GRIP1: variants seen among roughly 807,000 people sequenced by gnomAD.
The protein encoded by GRIP1 is glutamate receptor-interacting protein 1.
Under a neutral mutation model 129.9 loss-of-function variants are expected in GRIP1, and 45 were observed. The ratio of observed to expected loss-of-function variants is 0.35; its 90% confidence interval spans 0.27 to 0.44. The LOEUF is 0.44. Among genes scored for constraint, GRIP1 ranks in the 20% least tolerant of loss-of-function variants. The pLI is 1.00. For synonymous variants in GRIP1, 530 were observed against 520.8 expected (o/e 1.02, Z -0.24); for missense variants, 1,196 against 1,396.8 (o/e 0.86, Z 2.29).
intron 1 of GRIP1, among the ~76,000 whole-genome samples, chr12:66,702,593 A>G (rs1395324230): frequency 1.3e-5 from 2 of 152,212 alleles, no homozygotes; most frequent in African/African-American, 2.4e-5. Flanking sequence ...ATGAGTTACA[A>G]CAAAGTGGCC....
At chr12:66,783,293 C>T (rs2038216816) in intron 1 of GRIP1, among the ~76,000 whole-genome samples, 1 of 152,172 alleles carries the variant, frequency 6.6e-6, no homozygotes, top group Non-Finnish European at 1.5e-5. Flanking sequence ...CTCAGCCTAC[C>T]AAAGTGTTTG....
At chr12:66,395,343 A>G (rs888219236) in intron 16 of GRIP1, among the ~76,000 whole-genome samples, 1 of 152,258 alleles carries the variant, frequency 6.6e-6, no homozygotes, top group African/African-American at 2.4e-5. Flanking sequence ...TAAGGATAAA[A>G]TGAAATGGTT....
At chr12:66,477,152 C>A (rs1045442309) in intron 7 of GRIP1, among the ~76,000 whole-genome samples, 7 of 152,146 alleles carry the variant, frequency 4.6e-5, no homozygotes, top group African/African-American at 1.4e-4. Flanking sequence ...CCAAAATCTC[C>A]TTAAGCTGAT....
chr12:66,632,894 G>A (rs1018537860), intron 1 of GRIP1, among the ~76,000 whole-genome samples: 1 of 152,006 alleles, frequency 6.6e-6, no homozygotes, highest in Admixed American at 6.6e-5. Flanking sequence ...TTATGAATTG[G>A]GATTGATTCT....
chr12:66,358,469 C>G (rs141659363), intron 23 of GRIP1, among the ~76,000 whole-genome samples: 1 of 151,880 alleles, frequency 6.6e-6, no homozygotes, highest in Admixed American at 6.6e-5. Context: ...TTTTTTGAGA[C>G]AGGGTCTCAC....
At chr12:66,912,239 G>C (rs572052131) in intron 1 of GRIP1, among the ~76,000 whole-genome samples, 3 of 152,172 alleles carry the variant, frequency 2.0e-5, no homozygotes, top group Admixed American at 2.0e-4. Context: ...AGGCCAGTGT[G>C]AAATCTAACA....
At chr12:66,480,257 C>A (rs1257127826) in intron 7 of GRIP1, among the ~76,000 whole-genome samples, 2 of 152,112 alleles carry the variant, frequency 1.3e-5, no homozygotes, top group East Asian at 3.8e-4. Flanking sequence ...AAATAACAAG[C>A]ATTCCTATAC....
At chr12:67,011,962 G>A (rs968142050) in intron 1 of GRIP1, among the ~76,000 whole-genome samples, 1 of 152,264 alleles carries the variant, frequency 6.6e-6, no homozygotes, top group South Asian at 2.1e-4. Context: ...AGCTGGATTT[G>A]AACTGAAGGC....
chr12:66,479,262 A>C lies in GRIP1; in HGVS notation c.725-13840T>G, dbSNP rs1175434174. ...ATCACCACTGATCCCACAGAAATACAAAATACCATCAGAGAATACTATAAA... is the reference window on the plus strand; with the variant it reads ...ATCACCACTGATCCCACAGAAATACCAAATACCATCAGAGAATACTATAAA... On this transcript the variant is annotated intron_variant, in intron 7 of 24. Coordinates refer to ENST00000359742, the MANE Select transcript of GRIP1 (RefSeq NM_001366722.1). 3.3e-5 allele frequency among the ~76,000 whole-genome samples: 5 copies of C among 152,268 alleles called. No homozygotes were observed. The South Asian group carries it at 8.3e-4, about 25-fold the overall frequency.
At chr12:66,941,630 T>C (rs1280751751) in intron 1 of GRIP1, among the ~76,000 whole-genome samples, 1 of 152,184 alleles carries the variant, frequency 6.6e-6, no homozygotes, top group Non-Finnish European at 1.5e-5. Context: ...CAGGTGTCAT[T>C]TGATGCCTGA....
chr12:66,686,311 C>T (rs1472537955), intron 1 of GRIP1, among the ~76,000 whole-genome samples: 3 of 152,004 alleles, frequency 2.0e-5, no homozygotes, highest in Non-Finnish European at 4.4e-5. Context: ...GCAAGAGCAA[C>T]AAAGAAAAAG....
In GRIP1 at chr12:66,644,949, T is replaced by G. The variant is rs2032234220; in HGVS notation, c.55+33901A>C. 2.0e-5 allele frequency among the ~76,000 whole-genome samples: 3 copies of G among 152,186 alleles called. No homozygotes were observed. In the South Asian group the frequency reaches 6.2e-4, roughly 32 times the overall value. On this transcript the variant is annotated intron_variant, in intron 1 of 24. Transcript: ENST00000359742. ...AGCATACAGTCTTTAAAAGACCATGTTTAGTGGAAGAACAGGCATTTTTAC... is the reference window on the plus strand; with the variant it reads ...AGCATACAGTCTTTAAAAGACCATGGTTAGTGGAAGAACAGGCATTTTTAC...
chr12:66,492,312 C>G (rs1374476555), intron 7 of GRIP1, among the ~76,000 whole-genome samples: 1 of 152,176 alleles, frequency 6.6e-6, no homozygotes, highest in South Asian at 2.1e-4. Context: ...ATCTACATTT[C>G]TGACCGACCT....
chr12:66,402,357 C>T (rs1344288093), intron 16 of GRIP1, among the ~76,000 whole-genome samples: 1 of 152,190 alleles, frequency 6.6e-6, no homozygotes, highest in Non-Finnish European at 1.5e-5. Flanking sequence ...GTCCATGGCA[C>T]ATTGCCTGAT....
chr12:66,802,683 C>CA (rs1943117945), intron 1 of GRIP1, among the ~76,000 whole-genome samples: 1 of 152,080 alleles, frequency 6.6e-6, no homozygotes, highest in African/African-American at 2.4e-5. Context: ...ATATTGACTG[C>CA]AAAAAATCTG....
At chr12:66,878,275 G>GA (rs1315772099) in intron 1 of GRIP1, among the ~76,000 whole-genome samples, 1 of 152,048 alleles carries the variant, frequency 6.6e-6, no homozygotes, top group Non-Finnish European at 1.5e-5. Context: ...AGTTATAAGA[G>GA]AGATAGTAAG....
chr12:66,584,497 C>T (rs552912996), intron 2 of GRIP1, among the ~76,000 whole-genome samples: 88 of 152,172 alleles, frequency 5.8e-4, no homozygotes, highest in Non-Finnish European at 1.1e-3. Context: ...CACTTGAACC[C>T]GGGAGGCGGA....
intron 2 of GRIP1, among the ~76,000 whole-genome samples, chr12:66,561,809 T>C (rs978168620): frequency 1.1e-4 from 16 of 152,130 alleles, no homozygotes; most frequent in African/African-American, 2.7e-4. Flanking sequence ...TAAGAAAGAA[T>C]ATGTCTGGGT....
At chr12:66,513,916 C>T (rs1395779208) in intron 7 of GRIP1, among the ~76,000 whole-genome samples, 3 of 152,138 alleles carry the variant, frequency 2.0e-5, no homozygotes, top group African/African-American at 4.8e-5. Context: ...GACCTTGTCT[C>T]TCTGATGTGG....
Sources: allele counts gnomAD v4.1 joint callset (sites outside exome capture counted in the v4.1 genomes callset), GRCh38; gene constraint gnomAD v4.1.1; transcripts MANE v1.5; gene names NCBI Gene and HGNC (gene_info 2026-07-23, HGNC 2026-07-21).